TRPM3: variants seen among roughly 807,000 people sequenced by gnomAD.
TRPM3 encodes the protein long transient receptor potential channel 3.
Under a neutral mutation model 181.2 loss-of-function variants are expected in TRPM3, and 77 were observed. That is an observed-to-expected ratio of 0.42 (90% CI 0.35 to 0.51). TRPM3 has a LOEUF of 0.51. Among genes scored for constraint, TRPM3 ranks in the 20% least tolerant of loss-of-function variants. TRPM3 has a pLI of 0.01. For missense variants in TRPM3, 1,759 were observed against 2,196.7 expected (o/e 0.80, Z 3.98); for synonymous variants, 745 against 796.4 (o/e 0.94, Z 1.09).
chr9:70,920,453 T>A (rs1273886715), intron 1 of TRPM3, among the ~76,000 whole-genome samples: 2 of 152,202 alleles, frequency 1.3e-5, no homozygotes, highest in East Asian at 3.8e-4. Flanking sequence ...CAGACCATTT[T>A]AAAATGTCAA....
intron 1 of TRPM3, among the ~76,000 whole-genome samples, chr9:71,146,960 G>A (rs2075442526): frequency 6.6e-6 from 1 of 152,150 alleles, no homozygotes; most frequent in Non-Finnish European, 1.5e-5. Flanking sequence ...AGATGTGTTT[G>A]TGGCTATTGG....
chr9:71,285,305 C>T (rs1355317304), intron 1 of TRPM3, among the ~76,000 whole-genome samples: 1 of 152,200 alleles, frequency 6.6e-6, no homozygotes, highest in Non-Finnish European at 1.5e-5. Context: ...GTTCAAATTA[C>T]CTGCATTCTC....
At chr9:71,170,842 G>T (rs548445111) in intron 1 of TRPM3, among the ~76,000 whole-genome samples, 2 of 152,242 alleles carry the variant, frequency 1.3e-5, no homozygotes, top group Non-Finnish European at 2.9e-5. Flanking sequence ...AAAAGAACAG[G>T]ATAACAGCAA....
chr9:71,029,000 G>T (rs1193598089), intron 1 of TRPM3, among the ~76,000 whole-genome samples: 2 of 152,114 alleles, frequency 1.3e-5, no homozygotes, highest in African/African-American at 4.8e-5. Flanking sequence ...CACATGGCAT[G>T]TATTCTAAAA....
chr9:70,981,168 G>A (rs898453186), intron 1 of TRPM3, among the ~76,000 whole-genome samples: 1 of 152,162 alleles, frequency 6.6e-6, no homozygotes, highest in African/African-American at 2.4e-5. Context: ...AGCTGACAAT[G>A]TGATTTGGTC....
chr9:70,967,343 G>A (rs79714754), intron 1 of TRPM3, among the ~76,000 whole-genome samples: 16,018 of 152,064 alleles, frequency 0.11, 951 homozygotes, highest in Non-Finnish European at 0.14. Flanking sequence ...AATCTTGACT[G>A]GGACTTGAGT....
At chr9:70,880,158 A>G (rs1054536708) in intron 1 of TRPM3, among the ~76,000 whole-genome samples, 1 of 152,134 alleles carries the variant, frequency 6.6e-6, no homozygotes, top group Non-Finnish European at 1.5e-5. Flanking sequence ...CTATGGAAAA[A>G]AATCTTAGGA....
At chr9:70,679,990 A>G (rs1010684287) in intron 9 of TRPM3, among the ~76,000 whole-genome samples, 1 of 152,164 alleles carries the variant, frequency 6.6e-6, no homozygotes, top group African/African-American at 2.4e-5. Flanking sequence ...CATTGGGATA[A>G]AATGCTTTAG....
At position 71,121,338 on chromosome 9, in the gene TRPM3, C is replaced by A; in HGVS notation, c.17G>T (p.Gly6Val). 5 of 1,613,794 alleles carry A rather than the reference C, an allele frequency of 3.1e-6. No homozygotes were observed. The highest frequency in any genetic ancestry group is 4.2e-6 in the Non-Finnish European group (5 of 1,179,966). The change falls in exon 1 of 26, where the codon GGG becomes GTG. Residue 6 changes from glycine to valine, a missense_variant. Gly to Val is a moderately radical substitution (Grantham distance 109). This residue lies in a region of TRPM3 where 737 missense variants were observed against 957.4 expected (regional missense o/e 0.77). Coordinates refer to ENST00000677713, the MANE Select transcript of TRPM3 (RefSeq NM_001366145.2). MPEPW[G>V]TVYFLGIAQV... is the part of the protein sequence containing the mutation. ...AGCAATGCCTAGAAAATAAACGGTC[C>A]CCCACGGCTCTGGCATCCCATGGTC... is the stretch of plus-strand genomic sequence containing the variant.
At chr9:70,788,848 C>T (rs909387259) in intron 6 of TRPM3, among the ~76,000 whole-genome samples, 6 of 152,220 alleles carry the variant, frequency 3.9e-5, no homozygotes, top group East Asian at 3.9e-4. Flanking sequence ...ATAGGGCTCA[C>T]GCTCCTATGC....
At chr9:70,794,897 C>T (rs1030371391) in intron 6 of TRPM3, among the ~76,000 whole-genome samples, 2 of 152,076 alleles carry the variant, frequency 1.3e-5, no homozygotes, top group Admixed American at 6.6e-5. Flanking sequence ...CTTCTGCATC[C>T]GTGGGTTCTA....
chr9:71,434,339 A>T (rs1054231354), intron 1 of TRPM3, among the ~76,000 whole-genome samples: 3 of 152,170 alleles, frequency 2.0e-5, no homozygotes, highest in African/African-American at 7.2e-5. Context: ...CTTATAAAAA[A>T]GTTCCACTAC....
chr9:70,841,661 T>TATATATATATATAA lies in TRPM3; in HGVS notation c.801+1341_801+1342insTTATATATATATAT, dbSNP rs1339698170. ...ATATATATATATATATATATATATA[T>TATATATATATATAA]CCCACCATATATATGTATATATAGA... On this transcript the variant is annotated intron_variant, in intron 5 of 25. Coordinates refer to ENST00000677713, the MANE Select transcript of TRPM3 (RefSeq NM_001366145.2). Among the ~76,000 whole-genome samples, 57 of 86,084 alleles carry TATATATATATATAA rather than the reference T, an allele frequency of 6.6e-4. 1 individual carries two copies. Among genetic ancestry groups the TATATATATATATAA allele is most frequent in the African/African-American group, 2.4e-3 (51 of 21,052 alleles). The allele number at this position is 86,084 out of a possible 152,430, so 56.5% of individuals were successfully genotyped here.
At chr9:70,960,528 C>A (rs1038368210) in intron 1 of TRPM3, among the ~76,000 whole-genome samples, 1 of 152,100 alleles carries the variant, frequency 6.6e-6, no homozygotes, top group East Asian at 1.9e-4. Context: ...TATTTTGAAG[C>A]ATGATGATAA....
intron 1 of TRPM3, among the ~76,000 whole-genome samples, chr9:70,966,658 G>A (rs781758286): frequency 8.6e-5 from 13 of 152,018 alleles, no homozygotes; most frequent in African/African-American, 1.4e-4. Context: ...ACCAAACACC[G>A]CGTGTTCTCA....
chr9:70,537,787 C>T (rs1161673792), intron 25 of TRPM3, among the ~76,000 whole-genome samples: 2 of 152,192 alleles, frequency 1.3e-5, no homozygotes, highest in East Asian at 3.9e-4. Context: ...GGGCAGGGTG[C>T]AATGACCTGA....
intron 1 of TRPM3, among the ~76,000 whole-genome samples, chr9:70,936,063 C>CT (rs1234355555): frequency 6.6e-6 from 1 of 152,190 alleles, no homozygotes; most frequent in African/African-American, 2.4e-5. Flanking sequence ...TTAACTTTGG[C>CT]TTCAAAACCT....
At chr9:71,060,050 A>G (rs1162687086) in intron 1 of TRPM3, among the ~76,000 whole-genome samples, 1 of 152,124 alleles carries the variant, frequency 6.6e-6, no homozygotes, top group Non-Finnish European at 1.5e-5. Flanking sequence ...TCTGAAATGT[A>G]GAAGAGAATC....
chr9:70,642,877 G>A (rs567935679), intron 9 of TRPM3, among the ~76,000 whole-genome samples: 1 of 152,172 alleles, frequency 6.6e-6, no homozygotes, highest in African/African-American at 2.4e-5. Flanking sequence ...GGAGCCTAAG[G>A]TTCTGTGTTT....
Sources: allele counts gnomAD v4.1 joint callset (sites outside exome capture counted in the v4.1 genomes callset), GRCh38; gene constraint gnomAD v4.1.1; regional missense constraint gnomAD v4.1.1; transcripts MANE v1.5; gene names NCBI Gene and HGNC (gene_info 2026-07-23, HGNC 2026-07-21).